Variants in GARNL3 observed in about 807,000 individuals in gnomAD.
The protein encoded by GARNL3 is GTPase-activating Rap/Ran-GAP domain-like protein 3.
Under a neutral mutation model 125.0 loss-of-function variants are expected in GARNL3, and 63 were observed. That is an observed-to-expected ratio of 0.50 (90% confidence interval 0.41 to 0.62). GARNL3 has a LOEUF of 0.62. Among genes scored for constraint, GARNL3 ranks in the 20% least tolerant of loss-of-function variants. The probability of loss-of-function intolerance (pLI) is 0.00; values close to 1 mark genes in which losing one functional copy is unlikely to be tolerated. For synonymous variants in GARNL3, 439 were observed against 457.5 expected, an observed-to-expected ratio of 0.96 and a Z score of 0.52; for missense variants, 994 against 1,244.0, an observed-to-expected ratio of 0.80 and a Z score of 3.02.
intron 2 of GARNL3, among the ~76,000 whole-genome samples, chr9:127,309,027 CAAATA>C (rs1178178656): frequency 6.6e-6 from 1 of 151,954 alleles, no homozygotes; most frequent in Non-Finnish European, 1.5e-5. Flanking sequence ...AAATTATTTC[CAAATA>C]AAAATTCATA....
chr9:127,325,193 A>G, intron 7 of GARNL3, 98 bp downstream of exon 7: 1 of 1,181,660 alleles, frequency 8.5e-7, no homozygotes, highest in Non-Finnish European at 1.3e-6. Context: ...TTTCAGCCAA[A>G]TCTCCATGTA....
chr9:127,339,331 G>A (rs995120726), intron 12 of GARNL3, among the ~76,000 whole-genome samples: 1 of 151,596 alleles, frequency 6.6e-6, no homozygotes, highest in Non-Finnish European at 1.5e-5. Context: ...TTGTACTTAC[G>A]GTTCCACATG....
intron 19 of GARNL3, 115 bp from the exon 20 acceptor site, chr9:127,355,182 C>A: frequency 1.3e-6 from 1 of 768,706 alleles, no homozygotes; most frequent in Non-Finnish European, 2.2e-6. Flanking sequence ...ATTCTCAGTC[C>A]ATTCACTGAG....
chr9:127,313,366 A>G, intron 3 of GARNL3, 75 bp from the exon 4 acceptor site: 1 of 1,004,206 alleles, frequency 1.0e-6, no homozygotes. Context: ...GCTGGACACC[A>G]CCTGCAGTGT....
intron 7 of GARNL3, among the ~76,000 whole-genome samples, chr9:127,328,315 C>T (rs187311771): frequency 6.6e-6 from 1 of 152,306 alleles, no homozygotes; most frequent in East Asian, 1.9e-4. Flanking sequence ...TCTCTGAGAG[C>T]TGTGTGGCGA....
In GARNL3 at chr9:127,230,962, A is replaced by ATG. The variant is rs10552796; in HGVS notation, c.-29+6640_-29+6641dup. Reference sequence around the variant, plus strand: ...AAGCTAATACAGGCAAACGATATATATGTGTGTGTGTGTGTGTATACACAT... The same window carrying ATG: ...AAGCTAATACAGGCAAACGATATATATGTGTGTGTGTGTGTGTGTATACACAT... On this transcript the variant is annotated intron_variant, in intron 1 of 10. Coordinates refer to the GARNL3 transcript ENST00000439286. 3.5e-3 allele frequency among the ~76,000 whole-genome samples: 497 copies of ATG among 141,116 alleles called. 2 individuals carry two copies. The highest frequency in any genetic ancestry group is 0.032 in the Middle Eastern group (9 of 280). The allele number at this position is 141,116 out of a possible 152,430, so 92.6% of individuals were successfully genotyped here.
intron 2 of GARNL3, among the ~76,000 whole-genome samples, chr9:127,251,172 C>T (rs1003911598): frequency 6.6e-6 from 1 of 152,110 alleles, no homozygotes; most frequent in Non-Finnish European, 1.5e-5. Context: ...TTTGGGCTGC[C>T]CTGCCCTAAA....
intron 11 of GARNL3, 34 bp from the exon 12 acceptor site, chr9:127,338,082 G>A: frequency 6.6e-7 from 1 of 1,524,434 alleles, no homozygotes; most frequent in South Asian, 1.1e-5. Flanking sequence ...GTGAGCATCA[G>A]TGTTGTGATT....
At chr9:127,387,471 G>T in intron 25 of GARNL3, 140 bp downstream of exon 25, 2 of 878,578 alleles carry the variant, frequency 2.3e-6, no homozygotes, top group Non-Finnish European at 3.4e-6. Flanking sequence ...AGCTGAGCGT[G>T]GTGGCTCACC....
At chr9:127,275,753 A>G (rs182345177) in intron 1 of GARNL3, among the ~76,000 whole-genome samples, 3 of 152,340 alleles carry the variant, frequency 2.0e-5, no homozygotes, top group East Asian at 1.9e-4. Flanking sequence ...GCTATAAGTA[A>G]TATTTTTATA....
chr9:127,335,198 G>A, intron 9 of GARNL3, 32 bp from the exon 10 acceptor site: 1 of 1,436,858 alleles, frequency 7.0e-7, no homozygotes, highest in South Asian at 1.1e-5. Context: ...CGAATTCTCT[G>A]TGCTCACTGA....
chr9:127,295,120 C>T (rs1166340956), intron 2 of GARNL3, among the ~76,000 whole-genome samples: 2 of 152,184 alleles, frequency 1.3e-5, no homozygotes, highest in African/African-American at 4.8e-5. Flanking sequence ...ACACAGAACC[C>T]ACCTTATGCA....
intron 1 of GARNL3, among the ~76,000 whole-genome samples, chr9:127,233,029 G>A (rs1452359439): frequency 2.6e-5 from 4 of 152,062 alleles, no homozygotes; most frequent in African/African-American, 2.4e-5. Flanking sequence ...CTCCGGCCTG[G>A]GTGACAGAGC....
At chr9:127,369,482 A>G (rs1554732606) in intron 22 of GARNL3, among the ~76,000 whole-genome samples, 1 of 152,238 alleles carries the variant, frequency 6.6e-6, no homozygotes, top group Non-Finnish European at 1.5e-5. Context: ...CAGAGGCACC[A>G]GCAAAGTAGA....
chr9:127,274,430 C>T (rs1470556988), intron 1 of GARNL3, among the ~76,000 whole-genome samples: 1 of 152,166 alleles, frequency 6.6e-6, no homozygotes, highest in East Asian at 1.9e-4. Context: ...TGATACCAGA[C>T]ATCAGCATGC....
Position 127,313,459 on chromosome 9 carries a change from G to C in GARNL3, c.338G>C (p.Gly113Ala). The C allele has an allele frequency of 6.2e-7, 1 of 1,613,808 alleles. No homozygotes were observed. Among genetic ancestry groups the C allele is most frequent in the Non-Finnish European group, 8.5e-7 (1 of 1,179,732 alleles). The change falls in exon 4 of 28, where the codon GGA becomes GCA. Residue 113 changes from glycine (G) to alanine (A), a missense_variant. Coordinates refer to ENST00000373387, the MANE Select transcript of GARNL3 (RefSeq NM_032293.5). Reference sequence around the variant, plus strand: ...TTTCCAGTCCATCAGAACTACATTGGAAACGATGCCGAGAAGAGCCCTTTC... The same window carrying C: ...TTTCCAGTCCATCAGAACTACATTGCAAACGATGCCGAGAAGAGCCCTTTC... ...FLGQVHQNYI[G>A]NDAEKSPFFL...
At chr9:127,230,962 ATG>A (rs10552796) in intron 1 of GARNL3, among the ~76,000 whole-genome samples, 19,496 of 140,960 alleles carry the variant, frequency 0.14, 4,251 homozygotes, top group African/African-American at 0.47. Context: ...AACGATATAT[ATG>A]TGTGTGTGTG....
intron 2 of GARNL3, among the ~76,000 whole-genome samples, chr9:127,257,739 G>T (rs115193559): frequency 0.027 from 4,162 of 152,272 alleles, 190 homozygotes; most frequent in African/African-American, 0.096. Context: ...TTGTTGGGGG[G>T]TGCAGGGAGA....
chr9:127,360,318 G>A (rs952048229), intron 21 of GARNL3, among the ~76,000 whole-genome samples: 6 of 151,918 alleles, frequency 3.9e-5, no homozygotes, highest in Non-Finnish European at 4.4e-5. Flanking sequence ...CACCGCACCC[G>A]GCCAAGAAAA....
Sources: allele counts gnomAD v4.1 joint callset (sites outside exome capture counted in the v4.1 genomes callset), GRCh38; gene constraint gnomAD v4.1.1; transcripts MANE v1.5; gene names NCBI Gene and HGNC (gene_info 2026-07-23, HGNC 2026-07-21).